CD36: variants seen among roughly 807,000 people sequenced by gnomAD.
The protein encoded by CD36 is platelet glycoprotein 4.
In CD36, 119 loss-of-function variants were observed where a neutral mutation model predicts 55.2. That is an observed-to-expected ratio of 2.15 (90% CI 1.86 to 2.51). CD36 has a LOEUF of 2.51. CD36 is among the 30% of genes most tolerant of loss of function. The pLI is 0.00. For synonymous variants in CD36, 186 were observed against 193.6 expected (o/e 0.96, Z 0.33); for missense variants, 819 against 555.5 (o/e 1.47, Z -4.77).
intron 3 of CD36, among the ~76,000 whole-genome samples, chr7:80,651,783 G>A (rs1795642697): frequency 6.6e-6 from 1 of 152,186 alleles, no homozygotes; most frequent in African/African-American, 2.4e-5. Context: ...GGTTACACAT[G>A]CCTGTAGTCC....
At chr7:80,628,348 T>A (rs936975391) in intron 1 of CD36, among the ~76,000 whole-genome samples, 2 of 152,048 alleles carry the variant, frequency 1.3e-5, no homozygotes, top group African/African-American at 4.8e-5. Context: ...TACTTATGAA[T>A]GAACAGATGA....
Position 80,669,956 on chromosome 7 carries a change from C to T in CD36, c.752C>T (p.Ala251Val). 6.2e-7 allele frequency: 1 copy of T among 1,610,260 alleles called. No homozygotes were observed. The highest frequency in any genetic ancestry group is 1.3e-5 in the African/African-American group (1 of 74,920). ...TTGCCACTCGATTTTTAAACAGATGCAGCCTCATTTCCACCTTTTGTTGAG... is the reference window on the plus strand; with the variant it reads ...TTGCCACTCGATTTTTAAACAGATGTAGCCTCATTTCCACCTTTTGTTGAG... Reference protein sequence around the residue: ...SHCDMINGTDAASFPPFVEKS... With the variant: ...SHCDMINGTDVASFPPFVEKS... Residue 251 changes from alanine (A) to valine (V), a missense_variant, in exon 9 of 15, where the codon GCA (alanine) becomes GTA (valine). Ala to Val is a moderately conservative substitution (Grantham distance 64, BLOSUM62 0). Coordinates refer to ENST00000447544, the MANE Select transcript of CD36 (RefSeq NM_001001548.3).
chr7:80,628,986 CT>C (rs375319858), intron 1 of CD36, among the ~76,000 whole-genome samples: 29 of 152,182 alleles, frequency 1.9e-4, no homozygotes, highest in African/African-American at 7.0e-4. Flanking sequence ...AGAGGAATGA[CT>C]TTGAATAGAA....
At chr7:80,623,121 A>G (rs566133228) in intron 1 of CD36, among the ~76,000 whole-genome samples, 3 of 151,718 alleles carry the variant, frequency 2.0e-5, no homozygotes, top group African/African-American at 7.3e-5. Context: ...CATTGTTAGT[A>G]TTTATTATAC....
chr7:80,640,659 A>G (rs143965070), intron 1 of CD36, among the ~76,000 whole-genome samples: 521 of 152,156 alleles, frequency 3.4e-3, no homozygotes, highest in Non-Finnish European at 5.8e-3. Context: ...TAAGGTTCAA[A>G]AATTAAGAAT....
rs775438508 is a variant in CD36, at chr7:80,679,222, G to A, written c.*2839G>A. On this transcript the variant is annotated 3_prime_UTR_variant, in exon 15 of 15. Transcript: ENST00000447544. ...TGCTTTTTCCTTTTGTGGCTCAAAGGTAGCTGCATTTTAAAATATTTGTGA... is the reference window on the plus strand; with the variant it reads ...TGCTTTTTCCTTTTGTGGCTCAAAGATAGCTGCATTTTAAAATATTTGTGA... 1.4e-4 allele frequency: 22 copies of A among 151,954 alleles called. No homozygotes were observed. Among genetic ancestry groups the A allele is most frequent in the Non-Finnish European group, 2.9e-4 (20 of 67,998 alleles). The allele number at this position is 151,954 out of a possible 1,614,324, so 9.4% of individuals were successfully genotyped here. A position where few individuals can be genotyped will look rare whatever the true frequency, so the allele number is the denominator to read the frequency against.
chr7:80,604,971 A>C (rs1792461554), intron 1 of CD36, among the ~76,000 whole-genome samples: 1 of 152,088 alleles, frequency 6.6e-6, no homozygotes, highest in Non-Finnish European at 1.5e-5. Context: ...CTTTATGTAA[A>C]ATGTAGCAAA....
intron 1 of CD36, among the ~76,000 whole-genome samples, chr7:80,606,144 T>G (rs1792538321): frequency 1.4e-5 from 1 of 70,124 alleles, no homozygotes; most frequent in South Asian, 6.5e-4. Flanking sequence ...CTAAGGACTA[T>G]GACTAAAATT....
At position 80,646,642 on chromosome 7, in the gene CD36, CT is replaced by C. The variant is rs1208408213; in HGVS notation, c.-89-9del. 1.3e-5 allele frequency: 18 copies of C among 1,409,186 alleles called. No individual in the cohort carries two copies. The highest frequency in any genetic ancestry group is 9.2e-5 in the East Asian group (4 of 43,690). 87.3% of individuals were successfully genotyped at this position (1,409,186 alleles called of 1,614,324 possible). A position where few individuals can be genotyped will look rare whatever the true frequency, so the allele number is the denominator to read the frequency against. ...TAAGCTTCTGTTTTATGATCTCTTT[CT>C]AATGATAGAACCAGAGCTTGTAGAA... is the stretch of plus-strand genomic sequence containing the variant. On this transcript the variant is annotated splice_polypyrimidine_tract_variant and intron_variant, in intron 2 of 14. Coordinates refer to ENST00000447544, the MANE Select transcript of CD36 (RefSeq NM_001001548.3).
intron 3 of CD36, among the ~76,000 whole-genome samples, chr7:80,647,596 C>T (rs1352362985): frequency 1.3e-5 from 2 of 152,054 alleles, no homozygotes; most frequent in African/African-American, 2.4e-5. Context: ...TCATCAGAAA[C>T]GTTGATTGAT....
chr7:80,637,648 C>G (rs189155168), upstream of CD36, among the ~76,000 whole-genome samples: 1 of 147,826 alleles, frequency 6.8e-6, no homozygotes, highest in Admixed American at 6.7e-5. Context: ...AAGGACAGCA[C>G]GAGCATTCTA....
At chr7:80,643,278 G>T (rs1794937428) in intron 1 of CD36, among the ~76,000 whole-genome samples, 1 of 152,088 alleles carries the variant, frequency 6.6e-6, no homozygotes, top group Non-Finnish European at 1.5e-5. Context: ...GCTAATATAT[G>T]CACATATACC....
chr7:80,617,727 CA>C (rs5885184), intron 1 of CD36, among the ~76,000 whole-genome samples: 99,388 of 122,818 alleles, frequency 0.81, 39,428 homozygotes, highest in Non-Finnish European at 0.85. Flanking sequence ...ACTGTGTCTC[CA>C]AAAAAAAAAA....
intron 1 of CD36, among the ~76,000 whole-genome samples, chr7:80,645,089 C>G (rs1328967207): frequency 6.7e-6 from 1 of 150,274 alleles, no homozygotes; most frequent in Admixed American, 6.6e-5. Context: ...GGCATGATCT[C>G]GGCTCACCGC....
At chr7:80,632,560 G>A (rs555127101) in intron 1 of CD36, among the ~76,000 whole-genome samples, 19 of 152,064 alleles carry the variant, frequency 1.2e-4, no homozygotes, top group Admixed American at 3.3e-4. Flanking sequence ...ATTTGCCAGC[G>A]TGGTTTAGTG....
chr7:80,670,706 G>T, intron 9 of CD36: 1 of 441,104 alleles, frequency 2.3e-6, no homozygotes, highest in Non-Finnish European at 4.1e-6. Flanking sequence ...TTTGAAGGAA[G>T]TCCTATAAAT....
At chr7:80,627,401 A>G (rs1793800557) in intron 1 of CD36, among the ~76,000 whole-genome samples, 1 of 151,944 alleles carries the variant, frequency 6.6e-6, no homozygotes, top group South Asian at 2.1e-4. Context: ...GCCAATTCCC[A>G]GGGGTCCTTG....
chr7:80,638,948 T>C (rs753460831), intron 1 of CD36, among the ~76,000 whole-genome samples: 15 of 152,012 alleles, frequency 9.9e-5, no homozygotes, highest in Non-Finnish European at 1.6e-4. Context: ...AACCTTCCTA[T>C]ATTTTATGCT....
At chr7:80,666,215 C>T in intron 7 of CD36, 14 of 475,240 alleles carry the variant, frequency 2.9e-5, no homozygotes, top group East Asian at 1.0e-4. Flanking sequence ...TAATTAACAC[C>T]TGGCAGTTTT....
Sources: allele counts gnomAD v4.1 joint callset (sites outside exome capture counted in the v4.1 genomes callset), GRCh38; gene constraint gnomAD v4.1.1; transcripts MANE v1.5; gene names NCBI Gene and HGNC (gene_info 2026-07-23, HGNC 2026-07-21).